UNC5D: variants seen among roughly 807,000 people sequenced by gnomAD.
UNC5D encodes unc-5 netrin receptor D, also known as netrin receptor UNC5D.
Under a neutral mutation model 105.4 loss-of-function variants are expected in UNC5D, and 39 were observed. The ratio of observed to expected loss-of-function variants is 0.37; its 90% CI spans 0.29 to 0.48. The LOEUF (loss-of-function observed/expected upper bound fraction) is 0.48, where lower values mean the gene tolerates loss of function less well. Among genes scored for constraint, UNC5D ranks in the 20% least tolerant of loss-of-function variants. UNC5D has a pLI of 0.98. For synonymous variants in UNC5D, 452 were observed against 450.4 expected, an observed-to-expected ratio of 1.00 and a Z score of -0.04; for missense variants, 991 against 1,202.4, an observed-to-expected ratio of 0.82 and a Z score of 2.60.
chr8:35,661,756 G>A (rs1014667699), intron 4 of UNC5D, among the ~76,000 whole-genome samples: 4 of 152,094 alleles, frequency 2.6e-5, no homozygotes, highest in African/African-American at 9.7e-5. Context: ...ACCACTTTTT[G>A]TAACCATCCT....
At chr8:35,494,239 CT>C (rs1288951439) in intron 1 of UNC5D, among the ~76,000 whole-genome samples, 1 of 152,058 alleles carries the variant, frequency 6.6e-6, no homozygotes, top group Non-Finnish European at 1.5e-5. Flanking sequence ...AATAAAGTAT[CT>C]GATTAAGTAT....
chr8:35,518,033 G>C lies in UNC5D; in HGVS notation c.104-31259G>C, dbSNP rs149808846. 1.8e-3 allele frequency among the ~76,000 whole-genome samples: 278 copies of C among 152,096 alleles called. 1 individual carries two copies. Among genetic ancestry groups the C allele is most frequent in the African/African-American group, 6.3e-3 (261 of 41,496 alleles). The stretch of plus-strand genomic sequence containing the variant: ...ACCTTTGGGATTAAGATTTCAACAT[G>C]AATTTTGGGGGGGGCATAAACATTG... On this transcript the variant is annotated intron_variant, in intron 1 of 16. Coordinates refer to ENST00000404895, the MANE Select transcript of UNC5D (RefSeq NM_080872.4).
intron 4 of UNC5D, among the ~76,000 whole-genome samples, chr8:35,668,139 C>A (rs984722466): frequency 1.3e-5 from 2 of 152,084 alleles, no homozygotes; most frequent in African/African-American, 2.4e-5. Flanking sequence ...AGTAATATCT[C>A]ATTTTCATAT....
chr8:35,520,326 G>C (rs1470369377), intron 1 of UNC5D, among the ~76,000 whole-genome samples: 1 of 152,086 alleles, frequency 6.6e-6, no homozygotes, highest in Non-Finnish European at 1.5e-5. Context: ...CACATTTTAT[G>C]GTTCCATTTA....
At chr8:35,425,561 T>C (rs543677221) in intron 1 of UNC5D, among the ~76,000 whole-genome samples, 6 of 152,324 alleles carry the variant, frequency 3.9e-5, no homozygotes, top group African/African-American at 9.6e-5. Context: ...TAAGTGTTTA[T>C]AGAAATGTGA....
At chr8:35,428,326 ACATGCCAC>A (rs898689258) in intron 1 of UNC5D, among the ~76,000 whole-genome samples, 24 of 148,578 alleles carry the variant, frequency 1.6e-4, no homozygotes, top group Non-Finnish European at 3.1e-4. Context: ...GATTACAGGT[ACATGCCAC>A]CATGCCTGGC....
chr8:35,709,330 TG>T (rs1420107163), intron 8 of UNC5D, among the ~76,000 whole-genome samples: 3 of 151,858 alleles, frequency 2.0e-5, no homozygotes, highest in Non-Finnish European at 2.9e-5. Context: ...CAGAGCAGGG[TG>T]GGGGGCTCTG....
intron 1 of UNC5D, among the ~76,000 whole-genome samples, chr8:35,408,971 A>G (rs1356564194): frequency 1.3e-5 from 2 of 152,060 alleles, no homozygotes; most frequent in Non-Finnish European, 2.9e-5. Context: ...CTGGCAACCA[A>G]CTTGAAAACT....
chr8:35,587,612 G>T (rs534777816), intron 3 of UNC5D, among the ~76,000 whole-genome samples: 3 of 152,058 alleles, frequency 2.0e-5, no homozygotes, highest in Non-Finnish European at 4.4e-5. Flanking sequence ...TTAGAGAAGG[G>T]TATTTCAGAA....
At chr8:35,728,132 G>C (rs1345744669) in intron 10 of UNC5D, among the ~76,000 whole-genome samples, 2 of 109,636 alleles carry the variant, frequency 1.8e-5, no homozygotes, top group Non-Finnish European at 3.8e-5. Flanking sequence ...CAAAAATACA[G>C]AATCATATAA....
chr8:35,683,712 A>G lies in UNC5D; in HGVS notation c.736A>G (p.Thr246Ala). 3 of 1,550,032 alleles carry G rather than the reference A, an allele frequency of 1.9e-6. No individual in the cohort carries two copies. The highest frequency in any genetic ancestry group is 2.5e-5 in the South Asian group (2 of 78,992). Residue 246 changes from threonine (T) to alanine (A), a missense_variant, in exon 5 of 17, where the codon ACT (threonine) becomes GCT (alanine). Physicochemically the swap from Thr to Ala is moderately conservative, Grantham distance 58 (BLOSUM62 0). Around this residue, in one of 3 missense-constraint regions of UNC5D, gnomAD observed 944 missense variants for 1,131.6 expected, o/e 0.83. Coordinates refer to ENST00000404895, the MANE Select transcript of UNC5D (RefSeq NM_080872.4). ...IVAKRRSLSATVVVYVNGGWS... is the reference protein window; with the variant it reads ...IVAKRRSLSAAVVVYVNGGWS... ...GGCTAAGAGGAGAAGCCTGTCGGCCACTGTTGTGGTCTACGGTAAGACCAT... is the reference window on the plus strand; with the variant it reads ...GGCTAAGAGGAGAAGCCTGTCGGCCGCTGTTGTGGTCTACGGTAAGACCAT...
rs368215146 is a variant in UNC5D, at chr8:35,505,241, A to C, written c.104-44051A>C. Among the ~76,000 whole-genome samples, 26 of 152,356 alleles carry C rather than the reference A, an allele frequency of 1.7e-4. No individual in the cohort carries two copies. The East Asian group carries it at 2.3e-3, about 14-fold the overall frequency. On this transcript the variant is annotated intron_variant, in intron 1 of 16. Transcript: ENST00000404895. ...TTTCTAAATTTTGTACATTTTTATAATTTTGGGATAAATGTGGCAAGGCTT... is the reference window on the plus strand; with the variant it reads ...TTTCTAAATTTTGTACATTTTTATACTTTTGGGATAAATGTGGCAAGGCTT...
chr8:35,576,891 G>A (rs1312050352), intron 3 of UNC5D, among the ~76,000 whole-genome samples: 2 of 152,114 alleles, frequency 1.3e-5, no homozygotes, highest in Non-Finnish European at 2.9e-5. Context: ...AGGATTACAG[G>A]CATGAGCCAC....
At chr8:35,293,417 T>G (rs1807224478) in intron 1 of UNC5D, among the ~76,000 whole-genome samples, 1 of 152,204 alleles carries the variant, frequency 6.6e-6, no homozygotes, top group African/African-American at 2.4e-5. Flanking sequence ...TTCTTTCAGC[T>G]TGTCTAATGT....
At chr8:35,509,911 C>T (rs1190539904) in intron 1 of UNC5D, among the ~76,000 whole-genome samples, 1 of 152,050 alleles carries the variant, frequency 6.6e-6, no homozygotes, top group African/African-American at 2.4e-5. Context: ...TTAAGGAAAC[C>T]CTTACTTAGG....
At chr8:35,710,042 G>C (rs1652867015) in intron 8 of UNC5D, among the ~76,000 whole-genome samples, 3 of 152,192 alleles carry the variant, frequency 2.0e-5, no homozygotes, top group African/African-American at 7.2e-5. Flanking sequence ...TATTTAGAGT[G>C]ACATGACCTA....
At chr8:35,516,670 A>T (rs1813119301) in intron 1 of UNC5D, among the ~76,000 whole-genome samples, 1 of 151,934 alleles carries the variant, frequency 6.6e-6, no homozygotes, top group South Asian at 2.1e-4. Context: ...ATCTACCCAG[A>T]TCTCCCCCTT....
chr8:35,404,595 T>C (rs1266813128), intron 1 of UNC5D, among the ~76,000 whole-genome samples: 1 of 152,160 alleles, frequency 6.6e-6, no homozygotes. Context: ...CATGTGATTT[T>C]TTTTTTTCTT....
chr8:35,313,512 C>G (rs1809054254), intron 1 of UNC5D, among the ~76,000 whole-genome samples: 1 of 152,180 alleles, frequency 6.6e-6, no homozygotes, highest in South Asian at 2.1e-4. Context: ...AACAACCTTT[C>G]AAGCCAGAGA....
Sources: allele counts gnomAD v4.1 joint callset (sites outside exome capture counted in the v4.1 genomes callset), GRCh38; gene constraint gnomAD v4.1.1; regional missense constraint gnomAD v4.1.1; transcripts MANE v1.5; gene names NCBI Gene and HGNC (gene_info 2026-07-23, HGNC 2026-07-21).